Variants in SCFD2 observed in about 807,000 individuals in gnomAD.
The protein encoded by SCFD2 is sec1 family domain-containing protein 2.
In SCFD2, 54 loss-of-function variants were observed where a neutral mutation model predicts 58.9. The observed-to-expected ratio is 0.92, with a 90% confidence interval of 0.74 to 1.15. The LOEUF (loss-of-function observed/expected upper bound fraction) is 1.15. SCFD2 is among the 50% of genes most tolerant of loss of function. The pLI is 0.00. For missense variants in SCFD2, 805 were observed against 836.6 expected, an observed-to-expected ratio of 0.96 and a Z score of 0.47; for synonymous variants, 321 against 335.9, an observed-to-expected ratio of 0.96 and a Z score of 0.49.
At chr4:53,336,834 G>A (rs981012823) in intron 2 of SCFD2, among the ~76,000 whole-genome samples, 1 of 152,148 alleles carries the variant, frequency 6.6e-6, no homozygotes, top group African/African-American at 2.4e-5. Flanking sequence ...ATTTCTAAAA[G>A]CAGAAATAAA....
At chr4:53,229,196 C>A (rs1022114358) in intron 4 of SCFD2, among the ~76,000 whole-genome samples, 1 of 152,118 alleles carries the variant, frequency 6.6e-6, no homozygotes, top group African/African-American at 2.4e-5. Flanking sequence ...CCATACTGCC[C>A]AAGGTAATTT....
In SCFD2 at chr4:53,208,960, C is replaced by G. The variant is rs576779095; in HGVS notation, c.1312-63378G>C. The stretch of plus-strand genomic sequence containing the variant: ...ATGTACCCAATATTTGCATTTCTAA[C>G]AAACCCTAGTTTGAATTCCCTGCTC... On this transcript the variant is annotated intron_variant, in intron 4 of 8. Transcript: ENST00000401642. Among the ~76,000 whole-genome samples, 35 of 152,216 alleles carry G rather than the reference C, an allele frequency of 2.3e-4. 1 individual carries two copies. The South Asian group carries it at 7.0e-3, about 31-fold the overall frequency.
chr4:53,210,078 C>T (rs996374888), intron 4 of SCFD2, among the ~76,000 whole-genome samples: 1 of 152,064 alleles, frequency 6.6e-6, no homozygotes, highest in Non-Finnish European at 1.5e-5. Context: ...AGTGGGTTCA[C>T]TCATTCTCAA....
At chr4:53,019,804 T>G (rs1439620338) in intron 5 of SCFD2, among the ~76,000 whole-genome samples, 1 of 152,140 alleles carries the variant, frequency 6.6e-6, no homozygotes, top group African/African-American at 2.4e-5. Context: ...TTAATTTAGA[T>G]TAATATGGTA....
chr4:53,077,523 C>T (rs1202272752), intron 5 of SCFD2, among the ~76,000 whole-genome samples: 4 of 152,002 alleles, frequency 2.6e-5, no homozygotes, highest in South Asian at 2.1e-4. Context: ...CTGCAACCTC[C>T]GCCTCCTGGG....
intron 5 of SCFD2, among the ~76,000 whole-genome samples, chr4:52,955,492 A>G (rs1478884169): frequency 2.0e-5 from 3 of 152,188 alleles, no homozygotes; most frequent in Admixed American, 6.5e-5. Context: ...CAATGGCTCT[A>G]TAAAATAGGT....
intron 2 of SCFD2, among the ~76,000 whole-genome samples, chr4:53,322,258 A>G (rs566537378): frequency 3.9e-5 from 6 of 152,186 alleles, no homozygotes; most frequent in Middle Eastern, 3.4e-3. Context: ...AAACCCACCA[A>G]AACCAAGATG....
intron 5 of SCFD2, among the ~76,000 whole-genome samples, chr4:53,116,560 C>T (rs1725325102): frequency 6.6e-6 from 1 of 152,106 alleles, no homozygotes; most frequent in South Asian, 2.1e-4. Flanking sequence ...ATTTGGTGAA[C>T]AGCTAACAAT....
intron 4 of SCFD2, among the ~76,000 whole-genome samples, chr4:53,214,235 A>C (rs1728728756): frequency 6.6e-6 from 1 of 152,086 alleles, no homozygotes; most frequent in Non-Finnish European, 1.5e-5. Flanking sequence ...CGCCACACTG[A>C]CTTCCACAAT....
intron 4 of SCFD2, among the ~76,000 whole-genome samples, chr4:53,189,478 C>T (rs984056270): frequency 6.6e-6 from 1 of 152,160 alleles, no homozygotes; most frequent in African/African-American, 2.4e-5. Flanking sequence ...GTAGCTTAAA[C>T]AAGACATTTC....
At chr4:53,256,088 CG>C (rs1730612547) in intron 4 of SCFD2, among the ~76,000 whole-genome samples, 1 of 150,168 alleles carries the variant, frequency 6.7e-6, no homozygotes, top group Admixed American at 6.6e-5. Flanking sequence ...CCCTCCCGGA[CG>C]GGGTGGCTGC....
intron 2 of SCFD2, among the ~76,000 whole-genome samples, chr4:53,317,659 G>C (rs968286769): frequency 6.6e-6 from 1 of 152,142 alleles, no homozygotes; most frequent in Non-Finnish European, 1.5e-5. Flanking sequence ...TATATGCAAC[G>C]GCCAGTGTGG....
intron 4 of SCFD2, among the ~76,000 whole-genome samples, chr4:53,185,570 C>T (rs1221844833): frequency 2.6e-5 from 4 of 151,918 alleles, no homozygotes; most frequent in South Asian, 4.2e-4. Context: ...CCTGCAAGTC[C>T]CCAAAACAGC....
At chr4:53,141,200 T>C (rs1054725945) in intron 5 of SCFD2, among the ~76,000 whole-genome samples, 2 of 152,162 alleles carry the variant, frequency 1.3e-5, no homozygotes, top group African/African-American at 4.8e-5. Flanking sequence ...CAGCCAATGA[T>C]AATCTATATT....
intron 5 of SCFD2, among the ~76,000 whole-genome samples, chr4:53,096,682 A>G (rs1014333768): frequency 2.0e-5 from 3 of 152,130 alleles, no homozygotes; most frequent in African/African-American, 7.2e-5. Context: ...CACTTTGATG[A>G]TAGCTTCTTT....
At chr4:53,232,213 A>T (rs1404681029) in intron 4 of SCFD2, among the ~76,000 whole-genome samples, 1 of 152,158 alleles carries the variant, frequency 6.6e-6, no homozygotes, top group African/African-American at 2.4e-5. Context: ...AAAACAAAAC[A>T]GTTCACTTAC....
chr4:53,043,195 G>A (rs1054055175), intron 5 of SCFD2, among the ~76,000 whole-genome samples: 1 of 152,146 alleles, frequency 6.6e-6, no homozygotes, highest in Non-Finnish European at 1.5e-5. Flanking sequence ...CAATGCTGAA[G>A]GCAATAGCAA....
At chr4:53,000,931 G>A (rs1323840876) in intron 5 of SCFD2, among the ~76,000 whole-genome samples, 1 of 152,168 alleles carries the variant, frequency 6.6e-6, no homozygotes, top group East Asian at 1.9e-4. Context: ...GGGGGTTTGG[G>A]GACCCCTGCT....
chr4:53,273,040 G>A (rs1731223318), intron 4 of SCFD2, among the ~76,000 whole-genome samples: 1 of 151,906 alleles, frequency 6.6e-6, no homozygotes, highest in Non-Finnish European at 1.5e-5. Context: ...AAAGAAAAAG[G>A]AAAATCAGAT....
Sources: gnomAD v4.1 joint callset for allele counts (sites outside exome capture counted in the v4.1 genomes callset) on GRCh38, gnomAD v4.1.1 for gene constraint, MANE v1.5 for transcripts, NCBI Gene and HGNC (gene_info 2026-07-23, HGNC 2026-07-21) for gene names.